The following CAST variants were observed in gnomAD, a reference collection of about 807,000 sequenced individuals.
The protein encoded by CAST is calpastatin.
Under a neutral mutation model 119.6 loss-of-function variants are expected in CAST, and 76 were observed. The ratio of observed to expected loss-of-function variants is 0.64; its 90% CI spans 0.53 to 0.77. The LOEUF (loss-of-function observed/expected upper bound fraction) is 0.77, where lower values mean the gene tolerates loss of function less well. Among genes scored for constraint, CAST ranks in the 30% least tolerant of loss-of-function variants. CAST has a pLI of 0.00. For synonymous variants in CAST, 319 were observed against 331.6 expected (o/e 0.96, Z 0.41); for missense variants, 953 against 946.5 (o/e 1.01, Z -0.09).
chr5:96,673,757 A>T (rs1203247677), intron 1 of CAST, among the ~76,000 whole-genome samples: 1 of 152,226 alleles, frequency 6.6e-6, no homozygotes, highest in African/African-American at 2.4e-5. Context: ...ATCAATTGCC[A>T]TATAGCCTTG....
chr5:96,279,502 C>G, the CAST span, among the ~76,000 whole-genome samples: 11 of 152,218 alleles, frequency 7.2e-5, no homozygotes, highest in African/African-American at 2.6e-4. Flanking sequence ...TATGTTTGAC[C>G]ATGGTCCTAA....
At chr5:96,167,606 C>T in the CAST span, among the ~76,000 whole-genome samples, 5 of 152,016 alleles carry the variant, frequency 3.3e-5, no homozygotes, top group Admixed American at 2.0e-4. Context: ...TCACTGAATA[C>T]CAAGAGCCTG....
At chr5:96,215,476 A>C in the CAST span, 1 of 152,120 alleles carries the variant, frequency 6.6e-6, no homozygotes, top group East Asian at 1.9e-4. Context: ...AAAATAGCTG[A>C]GTTTCTCATT....
chr5:96,546,956 T>C (rs897996278), intron 1 of CAST, among the ~76,000 whole-genome samples: 4 of 152,150 alleles, frequency 2.6e-5, no homozygotes, highest in African/African-American at 9.7e-5. Context: ...AAAACTGACA[T>C]AGCCCTAAAG....
At chr5:96,616,793 C>G (rs377327305) in intron 1 of CAST, among the ~76,000 whole-genome samples, 9 of 141,050 alleles carry the variant, frequency 6.4e-5, no homozygotes, top group Non-Finnish European at 1.1e-4. Flanking sequence ...CACACACACA[C>G]ACATATACAT....
chr5:96,617,734 T>G (rs547811698), intron 1 of CAST, among the ~76,000 whole-genome samples: 18 of 125,560 alleles, frequency 1.4e-4, no homozygotes, highest in Non-Finnish European at 1.9e-4. Flanking sequence ...GGAGCTTGCA[T>G]TGAGCCAAGA....
the CAST span, among the ~76,000 whole-genome samples, chr5:96,160,268 A>G: frequency 6.6e-6 from 1 of 152,062 alleles, no homozygotes; most frequent in Non-Finnish European, 1.5e-5. Flanking sequence ...GTCACTCTCC[A>G]TTCCCCTCTC....
At chr5:96,011,283 C>T in the CAST span, among the ~76,000 whole-genome samples, 4 of 152,042 alleles carry the variant, frequency 2.6e-5, no homozygotes, top group African/African-American at 4.8e-5. Flanking sequence ...AATTCACAGA[C>T]ATTAAGGATC....
the CAST span, among the ~76,000 whole-genome samples, chr5:96,279,587 A>C: frequency 1.3e-5 from 2 of 152,226 alleles, no homozygotes; most frequent in African/African-American, 4.8e-5. Context: ...AAGGCACATT[A>C]ATAGACATGA....
the CAST span, among the ~76,000 whole-genome samples, chr5:96,278,419 C>T: frequency 7.2e-5 from 11 of 152,172 alleles, no homozygotes; most frequent in African/African-American, 2.6e-4. Flanking sequence ...GTAATCTTCA[C>T]AGCAACTGAG....
chr5:96,089,363 C>G, the CAST span, among the ~76,000 whole-genome samples: 1 of 151,876 alleles, frequency 6.6e-6, no homozygotes, highest in Non-Finnish European at 1.5e-5. Flanking sequence ...GAGAATGTAT[C>G]CCAAAAGTAT....
chr5:96,708,951 C>T (rs1345355216), intron 3 of CAST, among the ~76,000 whole-genome samples: 1 of 152,212 alleles, frequency 6.6e-6, no homozygotes, highest in African/African-American at 2.4e-5. Context: ...TTGAAATTCA[C>T]CTTCAATGAA....
chr5:96,125,366 C>T, the CAST span, among the ~76,000 whole-genome samples: 1 of 152,030 alleles, frequency 6.6e-6, no homozygotes, highest in African/African-American at 2.4e-5. Flanking sequence ...CTACAGTGAC[C>T]TCAATAATTT....
At chr5:96,444,892 G>C in the CAST span, among the ~76,000 whole-genome samples, 9 of 152,084 alleles carry the variant, frequency 5.9e-5, no homozygotes, top group East Asian at 1.5e-3. Context: ...TCACAGTTGA[G>C]AGCGAGAAAA....
At chr5:96,767,638 C>T (rs754541458) in intron 28 of CAST, among the ~76,000 whole-genome samples, 156 bp downstream of exon 28, 9 of 152,172 alleles carry the variant, frequency 5.9e-5, no homozygotes, top group Non-Finnish European at 1.3e-4. Context: ...TTGTTTACCT[C>T]TCTTTTAGTC....
At chr5:96,724,961 C>T (rs962765807) in intron 4 of CAST, among the ~76,000 whole-genome samples, 1 of 152,126 alleles carries the variant, frequency 6.6e-6, no homozygotes, top group Non-Finnish European at 1.5e-5. Flanking sequence ...ATCCTGTTGC[C>T]TGATTCTAAT....
chr5:96,650,155 T>A (rs1043406233), intron 1 of CAST, among the ~76,000 whole-genome samples: 1 of 152,238 alleles, frequency 6.6e-6, no homozygotes, highest in Non-Finnish European at 1.5e-5. Context: ...GTGTTTCCTT[T>A]AATTTCCTGG....
chr5:96,128,364 C>T, the CAST span, among the ~76,000 whole-genome samples: 1 of 151,964 alleles, frequency 6.6e-6, no homozygotes, highest in Non-Finnish European at 1.5e-5. Context: ...TTGATGTTTC[C>T]TCGGCCCTGG....
chr5:96,231,646 T>C, the CAST span, among the ~76,000 whole-genome samples: 1 of 152,168 alleles, frequency 6.6e-6, no homozygotes, highest in African/African-American at 2.4e-5. Context: ...AAGTTTATGG[T>C]ATAAATTATA....
Sources: allele counts gnomAD v4.1 joint callset (sites outside exome capture counted in the v4.1 genomes callset), GRCh38; gene constraint gnomAD v4.1.1; transcripts MANE v1.5; gene names NCBI Gene and HGNC (gene_info 2026-07-23, HGNC 2026-07-21).